The following RYK variants were observed in gnomAD, a reference collection of about 807,000 sequenced individuals.
RYK encodes receptor like tyrosine kinase.
In RYK, 21 loss-of-function variants were observed where a neutral mutation model predicts 70.2. The observed-to-expected ratio is 0.30, with a 90% CI of 0.21 to 0.43. RYK has a LOEUF of 0.43. RYK is among the 20% of genes least tolerant of loss of function. The probability of loss-of-function intolerance (pLI) is 1.00; values close to 1 mark genes in which losing one functional copy is unlikely to be tolerated. For synonymous variants in RYK, 267 were observed against 278.0 expected (o/e 0.96, Z 0.39); for missense variants, 604 against 753.3 (o/e 0.80, Z 2.32).
chr3:134,182,622 G>A (rs2013335865), intron 10 of RYK, among the ~76,000 whole-genome samples: 1 of 152,020 alleles, frequency 6.6e-6, no homozygotes, highest in South Asian at 2.1e-4. Flanking sequence ...ATTTATTCAT[G>A]TTTATTATAC....
In RYK at chr3:134,207,499, A is replaced by C; in HGVS notation, c.616T>G (p.Leu206Val). The C allele has an allele frequency of 6.5e-7, 1 of 1,543,066 alleles. No individual in the cohort carries two copies. Among genetic ancestry groups the C allele is most frequent in the Non-Finnish European group, 8.8e-7 (1 of 1,141,374 alleles). ...ATAGTTCTGCTAGTGTTTTTGTCCA[A>C]GGCTGAAGTTTTTACTTCTTCAAGT... The part of the protein sequence containing the change: ...KKLEEVKTSA[L>V]DKNTSRTIYD... Residue 206 changes from leucine to valine, a missense_variant, in exon 5 of 15, where the codon TTG becomes GTG. Leu to Val is a conservative substitution (Grantham distance 32). Transcript: ENST00000623711.
chr3:134,250,345 G>A, intron 1 of RYK, 78 bp downstream of exon 1: 2 of 912,890 alleles, frequency 2.2e-6, no homozygotes, highest in Admixed American at 4.4e-5. Context: ...TCCACGGCTC[G>A]CAGACTGATC....
At chr3:134,204,793 G>A (rs112619811) in intron 5 of RYK, among the ~76,000 whole-genome samples, 10 of 152,242 alleles carry the variant, frequency 6.6e-5, no homozygotes, top group Non-Finnish European at 1.3e-4. Context: ...AGGCATTTGG[G>A]GTTTATCCTA....
intron 13 of RYK, among the ~76,000 whole-genome samples, chr3:134,161,449 C>T (rs1019390098): frequency 4.6e-5 from 7 of 152,108 alleles, no homozygotes; most frequent in Non-Finnish European, 1.0e-4. Context: ...GCTGTGACAA[C>T]CCAAAATGCC....
At chr3:134,194,188 A>G (rs1254478345) in intron 7 of RYK, among the ~76,000 whole-genome samples, 1 of 152,228 alleles carries the variant, frequency 6.6e-6, no homozygotes, top group Non-Finnish European at 1.5e-5. Context: ...ATCCACCAGC[A>G]CCATCTGGTT....
intron 11 of RYK, 101 bp from the exon 12 acceptor site, chr3:134,176,140 G>T (rs2013092762): frequency 5.6e-6 from 4 of 715,928 alleles, no homozygotes; most frequent in Non-Finnish European, 7.3e-6. Flanking sequence ...CAAAAATACT[G>T]CTTTAAACCT....
intron 13 of RYK, among the ~76,000 whole-genome samples, chr3:134,164,920 T>C (rs951134278): frequency 1.3e-5 from 2 of 152,254 alleles, no homozygotes; most frequent in African/African-American, 4.8e-5. Context: ...TTTTCAATTT[T>C]AGCCAAACCA....
intron 1 of RYK, among the ~76,000 whole-genome samples, chr3:134,237,940 T>G (rs1454923804): frequency 6.6e-6 from 1 of 152,166 alleles, no homozygotes. Flanking sequence ...AAAAAACCAA[T>G]ATCACTTAAC....
At chr3:134,204,373 C>A (rs1189811971) in intron 5 of RYK, among the ~76,000 whole-genome samples, 1 of 151,772 alleles carries the variant, frequency 6.6e-6, no homozygotes, top group East Asian at 1.9e-4. Flanking sequence ...GTGGTGCGCA[C>A]CTGTAGTCCC....
In RYK at chr3:134,224,674, C is replaced by T. The variant is rs150656596; in HGVS notation, c.233-2135G>A. Among the ~76,000 whole-genome samples the T allele has an allele frequency of 3.3e-3, 507 of 151,884 alleles. 5 individuals are homozygous for T. Among genetic ancestry groups the T allele is most frequent in the African/African-American group, 0.012 (492 of 41,256 alleles). ...CCCAGGCACTGGCGCTACCACTAGA[C>T]CAAGGTCTGCTAAGTAACGGGTGCC... On this transcript the variant is annotated intron_variant, in intron 1 of 14. Coordinates refer to ENST00000623711, the MANE Select transcript of RYK (RefSeq NM_002958.4).
intron 9 of RYK, among the ~76,000 whole-genome samples, chr3:134,187,925 T>G (rs2013521219): frequency 6.6e-6 from 1 of 152,012 alleles, no homozygotes; most frequent in Admixed American, 6.6e-5. Context: ...CTAGTATTTT[T>G]TAAAGTCTTG....
intron 2 of RYK, among the ~76,000 whole-genome samples, chr3:134,217,755 C>T (rs1337886472): frequency 6.6e-6 from 1 of 152,082 alleles, no homozygotes; most frequent in Non-Finnish European, 1.5e-5. Flanking sequence ...AACTAAGTGG[C>T]TGGATTGCTC....
chr3:134,174,256 A>G (rs990814318), intron 13 of RYK, among the ~76,000 whole-genome samples: 1 of 152,216 alleles, frequency 6.6e-6, no homozygotes, highest in Non-Finnish European at 1.5e-5. Context: ...ATTTGGCCTC[A>G]GAAGTGAACC....
chr3:134,177,808 T>C (rs1353556910), intron 11 of RYK, 133 bp downstream of exon 11: 12 of 722,534 alleles, frequency 1.7e-5, no homozygotes, highest in East Asian at 2.8e-5. Flanking sequence ...GTTATAAATA[T>C]CTTGTGGTTC....
At chr3:134,161,585 A>G (rs551973767) in intron 13 of RYK, among the ~76,000 whole-genome samples, 3 of 152,330 alleles carry the variant, frequency 2.0e-5, no homozygotes, top group African/African-American at 7.2e-5. Context: ...GAAATAAAGG[A>G]GGGAACACCA....
rs966634682 is a variant in RYK, at chr3:134,168,322, G to A, written c.1575+7287C>T. The stretch of plus-strand genomic sequence containing the variant: ...TGCTGCTATAAAGACACATGCACAC[G>A]TATGTTTATTGAGGCACTATTCACG... On this transcript the variant is annotated intron_variant, in intron 13 of 14. Transcript: ENST00000623711. 4.1e-4 allele frequency among the ~76,000 whole-genome samples: 62 copies of A among 152,146 alleles called. 1 individual carries two copies. Among genetic ancestry groups the A allele is most frequent in the Non-Finnish European group, 6.9e-4 (47 of 68,034 alleles).
intron 2 of RYK, among the ~76,000 whole-genome samples, chr3:134,221,330 G>A (rs1206713820): frequency 6.8e-6 from 1 of 148,062 alleles, no homozygotes; most frequent in African/African-American, 2.5e-5. Context: ...TCAGCCTCCT[G>A]AGTAGCTGGG....
At chr3:134,208,047 G>T (rs2014268052) in intron 4 of RYK, among the ~76,000 whole-genome samples, 1 of 152,192 alleles carries the variant, frequency 6.6e-6, no homozygotes, top group South Asian at 2.1e-4. Context: ...TGAACTGGAT[G>T]ACTAGGGTGG....
chr3:134,206,971 C>A (rs2014230567), intron 5 of RYK, among the ~76,000 whole-genome samples: 1 of 151,738 alleles, frequency 6.6e-6, no homozygotes, highest in African/African-American at 2.4e-5. Context: ...CCAACGATGT[C>A]TTCATGTCAG....
Sources: gnomAD v4.1 joint callset for allele counts (sites outside exome capture counted in the v4.1 genomes callset) on GRCh38, gnomAD v4.1.1 for gene constraint, MANE v1.5 for transcripts, NCBI Gene and HGNC (gene_info 2026-07-23, HGNC 2026-07-21) for gene names.